Variants in RSU1 observed in about 807,000 individuals in gnomAD.
RSU1 encodes the protein rsu-1.
RSU1 carries 26 observed loss-of-function variants against 31.1 expected under a neutral mutation model. That is an observed-to-expected ratio of 0.84 (90% CI 0.61 to 1.16). The LOEUF (loss-of-function observed/expected upper bound fraction) is 1.16. Among genes scored for constraint, RSU1 ranks in the 50% most tolerant of loss-of-function variants. The probability of loss-of-function intolerance (pLI) is 0.00; values close to 1 mark genes in which losing one functional copy is unlikely to be tolerated. For synonymous variants in RSU1, 164 were observed against 136.3 expected (o/e 1.20, Z -1.41); for missense variants, 320 against 339.1 (o/e 0.94, Z 0.44).
intron 8 of RSU1, among the ~76,000 whole-genome samples, chr10:16,688,686 C>G (rs941981913): frequency 6.6e-6 from 1 of 152,064 alleles, no homozygotes; most frequent in Non-Finnish European, 1.5e-5. Context: ...ACATAGTCAA[C>G]TTGTAAAATG....
chr10:16,654,905 T>G (rs1834750511), intron 8 of RSU1, among the ~76,000 whole-genome samples: 1 of 151,176 alleles, frequency 6.6e-6, no homozygotes, highest in Non-Finnish European at 1.5e-5. Flanking sequence ...CAAAAATTTT[T>G]TTTTGAAAAA....
chr10:16,787,975 A>C (rs1253922070), intron 2 of RSU1, among the ~76,000 whole-genome samples: 1 of 152,250 alleles, frequency 6.6e-6, no homozygotes, highest in African/African-American at 2.4e-5. Flanking sequence ...TTCCCACATC[A>C]TGGTTAAGAT....
intron 7 of RSU1, among the ~76,000 whole-genome samples, chr10:16,731,096 G>A (rs575218209): frequency 6.6e-6 from 1 of 152,238 alleles, no homozygotes; most frequent in East Asian, 1.9e-4. Flanking sequence ...TTACAGACGT[G>A]AGCCATGGCA....
intron 8 of RSU1, among the ~76,000 whole-genome samples, chr10:16,629,779 T>C (rs1834217135): frequency 6.6e-6 from 1 of 152,170 alleles, no homozygotes; most frequent in African/African-American, 2.4e-5. Context: ...TTAGAGTGGT[T>C]CACGTGTCTC....
At chr10:16,594,724 GATAAT>G (rs1222094561) in intron 8 of RSU1, among the ~76,000 whole-genome samples, 4 of 144,014 alleles carry the variant, frequency 2.8e-5, no homozygotes, top group South Asian at 2.1e-4. Context: ...GATACATATA[GATAAT>G]ATATCATATA....
chr10:16,686,129 A>T (rs938802436), intron 8 of RSU1, among the ~76,000 whole-genome samples: 3 of 152,210 alleles, frequency 2.0e-5, no homozygotes, highest in East Asian at 1.9e-4. Flanking sequence ...TTAAAAATTT[A>T]AAAAACCCCA....
At chr10:16,805,400 G>A (rs182541727) in intron 2 of RSU1, among the ~76,000 whole-genome samples, 35 of 152,220 alleles carry the variant, frequency 2.3e-4, no homozygotes, top group Non-Finnish European at 3.7e-4. Flanking sequence ...GGCCGGGAGC[G>A]GTGGCTCACG....
At chr10:16,620,647 C>G (rs1253938436) in intron 8 of RSU1, among the ~76,000 whole-genome samples, 1 of 151,778 alleles carries the variant, frequency 6.6e-6, no homozygotes, top group African/African-American at 2.4e-5. Context: ...AGATCAAGAC[C>G]ATCATGGCTA....
At chr10:16,712,487 T>A (rs1045821716) in intron 7 of RSU1, among the ~76,000 whole-genome samples, 2 of 152,140 alleles carry the variant, frequency 1.3e-5, no homozygotes, top group Admixed American at 1.3e-4. Flanking sequence ...CTGTTTATTA[T>A]TCTGTCGTAA....
At chr10:16,726,395 C>A (rs1397936948) in intron 7 of RSU1, among the ~76,000 whole-genome samples, 4 of 151,484 alleles carry the variant, frequency 2.6e-5, no homozygotes, top group African/African-American at 9.7e-5. Context: ...AGCCTCCTGA[C>A]TAGCTGGATT....
intron 7 of RSU1, among the ~76,000 whole-genome samples, chr10:16,729,070 G>A (rs149353477): frequency 4.6e-5 from 7 of 152,334 alleles, no homozygotes; most frequent in East Asian, 1.9e-4. Context: ...CATATGCCGC[G>A]TATTTATCTC....
chr10:16,669,521 G>A (rs753295709), intron 8 of RSU1, among the ~76,000 whole-genome samples: 5 of 152,142 alleles, frequency 3.3e-5, no homozygotes, highest in Non-Finnish European at 2.9e-5. Flanking sequence ...CATCATCAAA[G>A]AGAAACCTCC....
chr10:16,629,238 C>A (rs942649571), intron 8 of RSU1, among the ~76,000 whole-genome samples: 1 of 152,108 alleles, frequency 6.6e-6, no homozygotes, highest in Non-Finnish European at 1.5e-5. Context: ...TGACAAGTTA[C>A]CAGGTGATAT....
chr10:16,738,231 T>C (rs1488558557), intron 7 of RSU1, among the ~76,000 whole-genome samples: 1 of 152,004 alleles, frequency 6.6e-6, no homozygotes, highest in Non-Finnish European at 1.5e-5. Context: ...CGGATCATGA[T>C]GTCAGCAGAT....
At chr10:16,593,578 A>G in intron 8 of RSU1, 82 bp from the exon 9 acceptor site, 2 of 1,056,990 alleles carry the variant, frequency 1.9e-6, no homozygotes, top group African/African-American at 3.1e-5. Flanking sequence ...TCAGGAATAG[A>G]AGAATCTCCA....
At chr10:16,757,993 C>T (rs1334632860) in intron 4 of RSU1, among the ~76,000 whole-genome samples, 1 of 152,180 alleles carries the variant, frequency 6.6e-6, no homozygotes, top group African/African-American at 2.4e-5. Flanking sequence ...ATCTTCAGCC[C>T]AGAGCAAGCC....
At chr10:16,661,823 G>A (rs1834895777) in intron 8 of RSU1, among the ~76,000 whole-genome samples, 1 of 152,220 alleles carries the variant, frequency 6.6e-6, no homozygotes, top group South Asian at 2.1e-4. Context: ...TATTGAGACA[G>A]TCCTGGTCTC....
intron 7 of RSU1, among the ~76,000 whole-genome samples, chr10:16,730,126 G>T (rs768166780): frequency 1.3e-5 from 2 of 152,106 alleles, no homozygotes; most frequent in Non-Finnish European, 2.9e-5. Flanking sequence ...AGGGCAAGAC[G>T]GAAGGGAGGT....
At chr10:16,680,379 G>A (rs1388512524) in intron 8 of RSU1, among the ~76,000 whole-genome samples, 1 of 151,996 alleles carries the variant, frequency 6.6e-6, no homozygotes, top group Non-Finnish European at 1.5e-5. Flanking sequence ...ATAGTAAGAA[G>A]AAGAAAAATA....
Sources: allele counts gnomAD v4.1 joint callset (sites outside exome capture counted in the v4.1 genomes callset), GRCh38; gene constraint gnomAD v4.1.1; transcripts MANE v1.5; gene names NCBI Gene and HGNC (gene_info 2026-07-23, HGNC 2026-07-21).